ERMP1: variants seen among roughly 807,000 people sequenced by gnomAD.
ERMP1 encodes Felix-ina.
ERMP1 carries 86 observed loss-of-function variants against 92.0 expected under a neutral mutation model. That is an observed-to-expected ratio of 0.93 (90% CI 0.79 to 1.12). The LOEUF (loss-of-function observed/expected upper bound fraction) is 1.12. Among genes scored for constraint, ERMP1 ranks in the 50% most tolerant of loss-of-function variants. The probability of loss-of-function intolerance (pLI) is 0.00; values close to 1 mark genes in which losing one functional copy is unlikely to be tolerated. For missense variants in ERMP1, 1,342 were observed against 1,116.3 expected (o/e 1.20, Z -2.88); for synonymous variants, 530 against 412.8 (o/e 1.28, Z -3.44).
At chr9:5,865,324 G>A (rs1034094341) in intron 5 of ERMP1, among the ~76,000 whole-genome samples, 4 of 151,512 alleles carry the variant, frequency 2.6e-5, no homozygotes, top group Non-Finnish European at 4.4e-5. Context: ...GGATTAACAC[G>A]GTGAAACCCC....
At chr9:5,848,212 T>C (rs1830262359) in intron 6 of ERMP1, among the ~76,000 whole-genome samples, 1 of 152,188 alleles carries the variant, frequency 6.6e-6, no homozygotes, top group South Asian at 2.1e-4. Flanking sequence ...GATGGGGAGA[T>C]TATCCCAGTT....
Position 5,838,172 on chromosome 9 carries a change from T to C in ERMP1, n.3200-4860A>G, listed in dbSNP as rs540855419. Among the ~76,000 whole-genome samples, 13 of 152,296 alleles carry C rather than the reference T, an allele frequency of 8.5e-5. No homozygotes were observed. In the South Asian group the frequency reaches 2.7e-3, roughly 32 times the overall value. ...GCAAACATTTTATTTCTAGGCACTT[T>C]TGTGTGATGCTGGAGGACTACATAT... On this transcript the variant is annotated intron_variant and non_coding_transcript_variant, in intron 6 of 6. Coordinates refer to the ERMP1 transcript ENST00000690753.
At chr9:5,831,923 A>G (rs2129698448) in intron 1 of ERMP1, among the ~76,000 whole-genome samples, 1 of 152,294 alleles carries the variant, frequency 6.6e-6, no homozygotes, top group South Asian at 2.1e-4. Context: ...GACGTTTCAG[A>G]AAGTCCTTAA....
chr9:5,800,630 C>T (rs1361162651), intron 11 of ERMP1, among the ~76,000 whole-genome samples: 1 of 152,072 alleles, frequency 6.6e-6, no homozygotes, highest in African/African-American at 2.4e-5. Flanking sequence ...GAGCCAAGAT[C>T]GTTCCACTGC....
At position 5,830,776 on chromosome 9, in the gene ERMP1, C is replaced by T; in HGVS notation, c.591G>A (p.Gln197=). Residue 197 remains glutamine, a synonymous_variant, in exon 2 of 15, where the codon CAG becomes CAA. Coordinates refer to ENST00000339450, the MANE Select transcript of ERMP1 (RefSeq NM_024896.3). ...VVKLEPRDGA[Q]HAVLANCHFD... is the part of the protein sequence containing the mutation. ...AATGACAATTAGCCAAGACAGCATG[C>T]TGGGCTCCATCTCTGGGTTCCAGCT... is the stretch of plus-strand genomic sequence containing the variant. 1 of 1,614,080 alleles carries T rather than the reference C, an allele frequency of 6.2e-7. No homozygotes were observed. The highest frequency in any genetic ancestry group is 8.5e-7 in the Non-Finnish European group (1 of 1,179,980).
Position 5,811,098 on chromosome 9 carries a change from G to C in ERMP1, c.1327+13C>G. The C allele has an allele frequency of 6.3e-7, 1 of 1,584,110 alleles. No individual in the cohort carries two copies. Among genetic ancestry groups the C allele is most frequent in the Admixed American group, 1.7e-5 (1 of 59,950 alleles). ...CAATGCCAGTATTTGTAGTTTTAGAGGAAAATACTTACTCTTATGTTTGGG... is the reference window on the plus strand; with the variant it reads ...CAATGCCAGTATTTGTAGTTTTAGACGAAAATACTTACTCTTATGTTTGGG... On this transcript the variant is annotated intron_variant, in intron 7 of 14. Transcript: ENST00000339450.
At chr9:5,865,057 C>T (rs7044790) in intron 5 of ERMP1, among the ~76,000 whole-genome samples, 4,674 of 151,980 alleles carry the variant, frequency 0.031, 237 homozygotes, top group African/African-American at 0.1. Flanking sequence ...TTTAGAAATG[C>T]GGTAGTAAAT....
chr9:5,805,823 G>C (rs1448434725), intron 8 of ERMP1, 38 bp from the exon 9 acceptor site: 4 of 1,494,156 alleles, frequency 2.7e-6, no homozygotes, highest in Non-Finnish European at 3.6e-6. Flanking sequence ...TCTCATTCAG[G>C]GGTCATGCAT....
In ERMP1 at chr9:5,809,380, A is replaced by G. The variant is rs186641707; in HGVS notation, c.1548+631T>C. 8.5e-5 allele frequency among the ~76,000 whole-genome samples: 13 copies of G among 152,350 alleles called. No individual in the cohort carries two copies. The East Asian group carries it at 1.7e-3, about 20-fold the overall frequency. ...TTTATGCATTTGAAACCATAATAATATAACAATATTCTCAGTATAAATCAT... is the reference window on the plus strand; with the variant it reads ...TTTATGCATTTGAAACCATAATAATGTAACAATATTCTCAGTATAAATCAT... On this transcript the variant is annotated intron_variant, in intron 8 of 14. Coordinates refer to ENST00000339450, the MANE Select transcript of ERMP1 (RefSeq NM_024896.3).
chr9:5,823,652 A>T (rs1829626323), intron 4 of ERMP1, among the ~76,000 whole-genome samples: 1 of 152,190 alleles, frequency 6.6e-6, no homozygotes, highest in Non-Finnish European at 1.5e-5. Flanking sequence ...TGGAGGATTC[A>T]ATGACTTAAT....
chr9:5,795,378 G>C (rs1828377066), intron 13 of ERMP1, among the ~76,000 whole-genome samples: 1 of 152,148 alleles, frequency 6.6e-6, no homozygotes, highest in African/African-American at 2.4e-5. Context: ...AATCAAACTA[G>C]AAGTCCCAGA....
chr9:5,860,258 T>C (rs1409765024), intron 5 of ERMP1, among the ~76,000 whole-genome samples: 2 of 151,750 alleles, frequency 1.3e-5, no homozygotes, highest in Non-Finnish European at 2.9e-5. Context: ...TAAGCTGTAA[T>C]TGTGCCACTG....
chr9:5,850,790 T>C (rs1830300120), intron 6 of ERMP1, among the ~76,000 whole-genome samples: 1 of 152,172 alleles, frequency 6.6e-6, no homozygotes, highest in Non-Finnish European at 1.5e-5. Flanking sequence ...TTGTGAACAG[T>C]GGTACCAAAT....
intron 10 of ERMP1, among the ~76,000 whole-genome samples, chr9:5,804,073 C>G (rs1040792391): frequency 5.3e-5 from 8 of 152,076 alleles, no homozygotes; most frequent in Admixed American, 2.0e-4. Flanking sequence ...AAAGGGGTAA[C>G]GAATGCCCTT....
At chr9:5,848,669 T>C (rs116308405) in intron 6 of ERMP1, among the ~76,000 whole-genome samples, 2 of 147,804 alleles carry the variant, frequency 1.4e-5, no homozygotes, top group Non-Finnish European at 3.0e-5. Flanking sequence ...TGCTTACCAC[T>C]GAGTTAAATG....
upstream of ERMP1, among the ~76,000 whole-genome samples, chr9:5,837,917 A>G (rs1830113048): frequency 1.3e-5 from 2 of 152,108 alleles, no homozygotes; most frequent in African/African-American, 4.8e-5. Context: ...AGCCTGGGAA[A>G]CATGGTAAAA....
rs533825274 is a variant in ERMP1, at chr9:5,860,654, G to T, written n.3056-1043C>A. Among the ~76,000 whole-genome samples, 15 of 133,362 alleles carry T rather than the reference G, an allele frequency of 1.1e-4. No individual in the cohort carries two copies. In the East Asian group the frequency reaches 1.7e-3, roughly 15 times the overall value. The allele number at this position is 133,362 out of a possible 152,430, so 87.5% of individuals were successfully genotyped here. A position where few individuals can be genotyped will look rare whatever the true frequency, so the allele number is the denominator to read the frequency against. ...AGAGATCGGGGGGTCTCACTCTGTT[G>T]CCCAGGCTGGCCTCGAACTCCTGGC... On this transcript the variant is annotated intron_variant and non_coding_transcript_variant, in intron 5 of 6. Transcript: ENST00000690753.
At chr9:5,867,051 C>G (rs1563790593) in intron 5 of ERMP1, among the ~76,000 whole-genome samples, 1 of 152,096 alleles carries the variant, frequency 6.6e-6, no homozygotes, top group Non-Finnish European at 1.5e-5. Flanking sequence ...TAAAAATTAC[C>G]TGAGCATGCT....
At chr9:5,862,785 A>G (rs1377738804) in intron 5 of ERMP1, among the ~76,000 whole-genome samples, 1 of 152,222 alleles carries the variant, frequency 6.6e-6, no homozygotes, top group African/African-American at 2.4e-5. Flanking sequence ...TCTCATTCCA[A>G]AGGAGTGTCT....
Sources: gnomAD v4.1 joint callset for allele counts (sites outside exome capture counted in the v4.1 genomes callset) on GRCh38, gnomAD v4.1.1 for gene constraint, MANE v1.5 for transcripts, NCBI Gene and HGNC (gene_info 2026-07-23, HGNC 2026-07-21) for gene names.